The following CLVS1 variants were observed in gnomAD, a reference collection of about 807,000 sequenced individuals.
CLVS1 encodes clavesin 1.
CLVS1 carries 10 observed loss-of-function variants against 33.1 expected under a neutral mutation model. The observed-to-expected ratio is 0.30, with a 90% confidence interval of 0.19 to 0.51. The LOEUF is 0.51. Ranked by LOEUF, CLVS1 falls within the 20% of genes least tolerant of loss-of-function variation. The pLI is 0.97. For synonymous variants in CLVS1, 163 were observed against 166.1 expected, an observed-to-expected ratio of 0.98 and a Z score of 0.14; for missense variants, 343 against 433.4, an observed-to-expected ratio of 0.79 and a Z score of 1.85.
At chr8:61,039,360 G>A in the CLVS1 span, among the ~76,000 whole-genome samples, 2 of 152,156 alleles carry the variant, frequency 1.3e-5, no homozygotes, top group African/African-American at 2.4e-5. Flanking sequence ...GTTGAGCCCC[G>A]CAATTTGAAA....
At position 61,437,026 on chromosome 8, in the gene CLVS1, C is replaced by G. The variant is rs142308301; in HGVS notation, c.631-17115C>G. Among the ~76,000 whole-genome samples the G allele has an allele frequency of 6.8e-4, 104 of 152,120 alleles. 1 individual carries two copies. Among genetic ancestry groups the G allele is most frequent in the African/African-American group, 2.5e-3 (104 of 41,488 alleles). ...ATGATTTTCAGGGGAAATGAATGAG[C>G]CCAAAGAACAGATAATAGTTTATAA... is the stretch of plus-strand genomic sequence containing the variant. On this transcript the variant is annotated intron_variant, in intron 3 of 5. Coordinates refer to ENST00000325897, the MANE Select transcript of CLVS1 (RefSeq NM_173519.3).
chr8:61,034,826 A>G, the CLVS1 span, among the ~76,000 whole-genome samples: 34 of 152,300 alleles, frequency 2.2e-4, no homozygotes, highest in South Asian at 7.0e-3. Context: ...TTGAAAACAG[A>G]GAGAGATTAC....
chr8:61,084,645 A>G (rs558506695), intron 1 of CLVS1, among the ~76,000 whole-genome samples: 1 of 152,330 alleles, frequency 6.6e-6, no homozygotes, highest in African/African-American at 2.4e-5. Flanking sequence ...TAAGCTACAA[A>G]CCTTGCATAT....
At chr8:61,259,877 C>G (rs909108256) in intron 2 of CLVS1, among the ~76,000 whole-genome samples, 3 of 152,236 alleles carry the variant, frequency 2.0e-5, no homozygotes, top group Non-Finnish European at 4.4e-5. Context: ...ACTCAGGCCC[C>G]AGCTCCCCCT....
intron 2 of CLVS1, among the ~76,000 whole-genome samples, chr8:61,228,201 A>T (rs1459015938): frequency 4.6e-5 from 7 of 152,222 alleles, no homozygotes; most frequent in Non-Finnish European, 8.8e-5. Flanking sequence ...ATTGACAAGT[A>T]AAAAATATAT....
At chr8:61,135,581 G>T (rs1375610711) in intron 2 of CLVS1, among the ~76,000 whole-genome samples, 4 of 152,198 alleles carry the variant, frequency 2.6e-5, no homozygotes, top group African/African-American at 9.7e-5. Context: ...AGGAGAGATT[G>T]AGAAGGAGAA....
At chr8:60,973,442 G>A in the CLVS1 span, among the ~76,000 whole-genome samples, 2 of 152,134 alleles carry the variant, frequency 1.3e-5, no homozygotes, top group African/African-American at 4.8e-5. Context: ...AGTTACTGGT[G>A]GCTAATCTGT....
upstream of CLVS1, among the ~76,000 whole-genome samples, chr8:61,054,165 G>A (rs1358035790): frequency 1.3e-5 from 2 of 152,168 alleles, no homozygotes; most frequent in Admixed American, 1.3e-4. Context: ...CTGGATTCAG[G>A]ACTATTTTTA....
chr8:61,271,848 T>A (rs1382749071), intron 2 of CLVS1, among the ~76,000 whole-genome samples: 2 of 150,666 alleles, frequency 1.3e-5, no homozygotes, highest in Admixed American at 1.3e-4. Context: ...CCCTGCCTTT[T>A]TTTGTTTTCC....
At chr8:61,175,643 G>A (rs1416799675) in intron 2 of CLVS1, among the ~76,000 whole-genome samples, 5 of 152,170 alleles carry the variant, frequency 3.3e-5, no homozygotes, top group African/African-American at 1.2e-4. Context: ...AAGGCCATGG[G>A]TATACAGACG....
chr8:61,265,780 G>T (rs1809291778), intron 2 of CLVS1, among the ~76,000 whole-genome samples: 1 of 152,142 alleles, frequency 6.6e-6, no homozygotes. Flanking sequence ...GGCCTGCTGG[G>T]CCACAGCCAC....
At chr8:60,976,366 T>C in the CLVS1 span, among the ~76,000 whole-genome samples, 16 of 152,170 alleles carry the variant, frequency 1.1e-4, no homozygotes, top group East Asian at 7.7e-4. Flanking sequence ...TTCTTTCTTT[T>C]TTTTTTTTAG....
Position 61,337,523 on chromosome 8 carries a change from C to T in CLVS1, c.455+37241C>T, listed in dbSNP as rs79535962. Among the ~76,000 whole-genome samples the T allele has an allele frequency of 0.011, 1,736 of 152,194 alleles. 96 individuals are homozygous for T. The East Asian group carries it at 0.18, about 16-fold the overall frequency. On this transcript the variant is annotated intron_variant, in intron 2 of 5. Coordinates refer to ENST00000325897, the MANE Select transcript of CLVS1 (RefSeq NM_173519.3). ...AGAGTGACTGCCCCTCCAGGATTTC[C>T]GCCCTTCCAAAAGCACAACCGAGAC...
chr8:61,463,550 T>C (rs1000424892), intron 5 of CLVS1, among the ~76,000 whole-genome samples: 2 of 152,172 alleles, frequency 1.3e-5, no homozygotes, highest in African/African-American at 4.8e-5. Context: ...AGGTTATTAA[T>C]TAACCTAGTT....
intron 2 of CLVS1, among the ~76,000 whole-genome samples, chr8:61,239,569 T>C (rs1808649249): frequency 6.6e-6 from 1 of 151,940 alleles, no homozygotes; most frequent in African/African-American, 2.4e-5. Context: ...CCCCTGTATC[T>C]ACAAAACAAT....
chr8:61,453,740 G>T (rs1230385357), intron 3 of CLVS1, among the ~76,000 whole-genome samples: 2 of 152,114 alleles, frequency 1.3e-5, no homozygotes, highest in African/African-American at 4.8e-5. Context: ...GGTGGGAGCG[G>T]GAGAGTGGAA....
At chr8:61,190,632 C>T (rs1345008424) in intron 2 of CLVS1, among the ~76,000 whole-genome samples, 2 of 151,956 alleles carry the variant, frequency 1.3e-5, no homozygotes, top group Non-Finnish European at 2.9e-5. Context: ...TCTAGCAAGA[C>T]TATTAAAGAA....
At chr8:61,196,377 A>T (rs1807608340) in intron 2 of CLVS1, among the ~76,000 whole-genome samples, 1 of 152,232 alleles carries the variant, frequency 6.6e-6, no homozygotes, top group African/African-American at 2.4e-5. Context: ...ACTTACAATA[A>T]AATGCTGGTT....
chr8:61,372,357 A>T (rs936023359), intron 2 of CLVS1, among the ~76,000 whole-genome samples: 3 of 152,204 alleles, frequency 2.0e-5, no homozygotes, highest in Admixed American at 2.0e-4. Flanking sequence ...AATATTTATG[A>T]AGATTTACTC....
Sources: allele counts gnomAD v4.1 joint callset (sites outside exome capture counted in the v4.1 genomes callset), GRCh38; gene constraint gnomAD v4.1.1; transcripts MANE v1.5; gene names NCBI Gene and HGNC (gene_info 2026-07-23, HGNC 2026-07-21).